ATL2: variants seen among roughly 807,000 people sequenced by gnomAD.
ATL2 encodes atlastin GTPase 2, also known as atlastin-2.
A neutral mutation model predicts 73.9 loss-of-function variants in ATL2; 31 were observed. The ratio of observed to expected loss-of-function variants is 0.42; its 90% CI spans 0.32 to 0.57. The LOEUF (loss-of-function observed/expected upper bound fraction) is 0.57, where lower values mean the gene tolerates loss of function less well. Among genes scored for constraint, ATL2 ranks in the 20% least tolerant of loss-of-function variants. The pLI is 0.14. For missense variants in ATL2, 738 were observed against 702.6 expected (o/e 1.05, Z -0.57); for synonymous variants, 291 against 237.5 (o/e 1.23, Z -2.07).
At chr2:38,308,084 T>C (rs1232063071) in intron 9 of ATL2, among the ~76,000 whole-genome samples, 1 of 152,108 alleles carries the variant, frequency 6.6e-6, no homozygotes, top group Non-Finnish European at 1.5e-5. Flanking sequence ...GACCATATGA[T>C]CCAGCAATGC....
chr2:38,368,409 C>A (rs1373355927), intron 1 of ATL2, among the ~76,000 whole-genome samples: 2 of 152,136 alleles, frequency 1.3e-5, no homozygotes, highest in Non-Finnish European at 2.9e-5. Flanking sequence ...TGTGCCACCA[C>A]GCCCGGCTAA....
chr2:38,356,615 C>A (rs1298576322), intron 1 of ATL2, among the ~76,000 whole-genome samples: 1 of 152,318 alleles, frequency 6.6e-6, no homozygotes, highest in Admixed American at 6.5e-5. Flanking sequence ...AAACTTACAA[C>A]TGAAAAAGTA....
Position 38,318,573 on chromosome 2 carries a change from T to C in ATL2, c.565A>G (p.Thr189Ala), listed in dbSNP as rs1163536310. 4 of 1,612,558 alleles carry C rather than the reference T, an allele frequency of 2.5e-6. No homozygotes were observed. The highest frequency in any genetic ancestry group is 1.3e-5 in the African/African-American group (1 of 74,800). Residue 189 changes from threonine to alanine, a missense_variant, in exon 4 of 13, where the codon ACG becomes GCG. Physicochemically the swap from Thr to Ala is moderately conservative, Grantham distance 58. Coordinates refer to ENST00000378954, the MANE Select transcript of ATL2 (RefSeq NM_001135673.4). ...GTCATAGTGCTCAGAGCAAACACCGTTGCACAGTCTTTGATAGTTGACTGG... is the reference window on the plus strand; with the variant it reads ...GTCATAGTGCTCAGAGCAAACACCGCTGCACAGTCTTTGATAGTTGACTGG... Reference protein sequence around the residue: ...DSQSTIKDCATVFALSTMTSS... With the variant: ...DSQSTIKDCAAVFALSTMTSS...
chr2:38,324,516 G>A (rs996598153), intron 2 of ATL2, among the ~76,000 whole-genome samples: 11 of 152,110 alleles, frequency 7.2e-5, no homozygotes, highest in Admixed American at 3.9e-4. Context: ...TGCAAGTCCT[G>A]GAACAAATTA....
intron 2 of ATL2, among the ~76,000 whole-genome samples, chr2:38,320,032 C>CGTGGGCAGAGGTTGCA: frequency 6.6e-6 from 1 of 152,062 alleles, no homozygotes; most frequent in East Asian, 1.9e-4. Flanking sequence ...CACTTGAACC[C>CGTGGGCAGAGGTTGCA]GTGGGCAGAG....
chr2:38,331,404 C>T (rs1009535548), intron 2 of ATL2, among the ~76,000 whole-genome samples: 3 of 147,180 alleles, frequency 2.0e-5, no homozygotes, highest in Non-Finnish European at 4.5e-5. Flanking sequence ...CCACTGCACT[C>T]CAGCCTAGCA....
chr2:38,355,805 T>C (rs1211410368), intron 1 of ATL2, among the ~76,000 whole-genome samples: 6 of 151,214 alleles, frequency 4.0e-5, no homozygotes, highest in Admixed American at 2.0e-4. Flanking sequence ...GTACAAGCAA[T>C]TCTCCTGCCT....
At position 38,335,687 on chromosome 2, in the gene ATL2, A is replaced by AT. The variant is rs1395503693; in HGVS notation, c.363+7580_363+7581insA. Among the ~76,000 whole-genome samples the AT allele has an allele frequency of 1.3e-3, 205 of 152,188 alleles. 1 individual carries two copies. The highest frequency in any genetic ancestry group is 4.4e-3 in the African/African-American group (181 of 41,428). ...TGGTTACTATAACATATATATATAT[A>AT]AAAATGCACTGGCTATATTAAGGTT... On this transcript the variant is annotated intron_variant, in intron 2 of 12. Coordinates refer to ENST00000378954, the MANE Select transcript of ATL2 (RefSeq NM_001135673.4).
chr2:38,333,901 A>G (rs546989709), intron 2 of ATL2, among the ~76,000 whole-genome samples: 2 of 152,304 alleles, frequency 1.3e-5, no homozygotes, highest in South Asian at 4.1e-4. Flanking sequence ...ACTCAAATCT[A>G]ATCCAATTTA....
rs574868923 is a variant in ATL2, at chr2:38,375,180, G to C, written c.118+1963C>G. Among the ~76,000 whole-genome samples, 5 of 152,274 alleles carry C rather than the reference G, an allele frequency of 3.3e-5. No individual in the cohort carries two copies. In the South Asian group the frequency reaches 1.0e-3, roughly 32 times the overall value. ...ACTTGACCCCAACTTGGTTTTTGAA[G>C]CTATTTCTCCAGGAAGCAGAGGGAG... On this transcript the variant is annotated intron_variant, in intron 1 of 12. Transcript: ENST00000378954.
chr2:38,356,390 T>C (rs1355470492), intron 1 of ATL2, among the ~76,000 whole-genome samples: 1 of 151,850 alleles, frequency 6.6e-6, no homozygotes, highest in African/African-American at 2.4e-5. Flanking sequence ...GGTTTCACCA[T>C]GTTGCCCAGG....
chr2:38,304,222 C>G (rs966647636), intron 9 of ATL2, among the ~76,000 whole-genome samples: 1 of 152,040 alleles, frequency 6.6e-6, no homozygotes, highest in African/African-American at 2.4e-5. Context: ...CAGCGGAAAC[C>G]TTACAGGCCA....
At chr2:38,367,757 G>C (rs1671425286) in intron 1 of ATL2, among the ~76,000 whole-genome samples, 2 of 148,732 alleles carry the variant, frequency 1.3e-5, no homozygotes, top group Middle Eastern at 3.5e-3. Flanking sequence ...CTCAGCCTCT[G>C]GAGTAGCTGG....
chr2:38,354,408 T>C (rs1339258281), intron 1 of ATL2, among the ~76,000 whole-genome samples: 3 of 152,166 alleles, frequency 2.0e-5, no homozygotes, highest in African/African-American at 7.2e-5. Flanking sequence ...ATAAAGTATG[T>C]AGAAGTACAA....
chr2:38,376,090 T>A (rs1314756781), intron 1 of ATL2: 3 of 1,458,226 alleles, frequency 2.1e-6, no homozygotes, highest in Non-Finnish European at 2.7e-6. Flanking sequence ...TATTTAATAA[T>A]AAACTCTTAT....
At chr2:38,349,621 A>G (rs1036850289) in intron 1 of ATL2, among the ~76,000 whole-genome samples, 7 of 151,688 alleles carry the variant, frequency 4.6e-5, no homozygotes, top group African/African-American at 1.7e-4. Flanking sequence ...ATGTATACAT[A>G]TGTCACTAAC....
At chr2:38,300,523 T>C (rs1667131080) in intron 9 of ATL2, 195 bp from the exon 10 acceptor site, 1 of 432,110 alleles carries the variant, frequency 2.3e-6, no homozygotes, top group Non-Finnish European at 4.1e-6. Flanking sequence ...AATAATATCC[T>C]AGGTATTTCT....
chr2:38,306,103 C>G (rs903244232), intron 9 of ATL2, among the ~76,000 whole-genome samples: 3 of 152,094 alleles, frequency 2.0e-5, no homozygotes, highest in Non-Finnish European at 4.4e-5. Context: ...TCATTAGAGG[C>G]TACCATGAAC....
chr2:38,376,160 A>G, intron 1 of ATL2: 1 of 1,531,632 alleles, frequency 6.5e-7, no homozygotes, highest in Non-Finnish European at 8.8e-7. Context: ...AAAAAACTTT[A>G]TGCCTTTCTT....
Sources: gnomAD v4.1 joint callset for allele counts (sites outside exome capture counted in the v4.1 genomes callset) on GRCh38, gnomAD v4.1.1 for gene constraint, MANE v1.5 for transcripts, NCBI Gene and HGNC (gene_info 2026-07-23, HGNC 2026-07-21) for gene names.